SLC9C1: variants seen among roughly 807,000 people sequenced by gnomAD.
The protein encoded by SLC9C1 is sodium/hydrogen exchanger 10.
A neutral mutation model predicts 140.9 loss-of-function variants in SLC9C1; 97 were observed. That is an observed-to-expected ratio of 0.69 (90% CI 0.58 to 0.82). The LOEUF (loss-of-function observed/expected upper bound fraction) is 0.82. Among genes scored for constraint, SLC9C1 ranks in the 40% least tolerant of loss-of-function variants. The pLI is 0.00. For synonymous variants in SLC9C1, 440 were observed against 442.6 expected, an observed-to-expected ratio of 0.99 and a Z score of 0.07; for missense variants, 1,340 against 1,389.3, an observed-to-expected ratio of 0.96 and a Z score of 0.56.
chr3:112,179,440 G>C, intron 23 of SLC9C1, 91 bp downstream of exon 23: 1 of 1,364,476 alleles, frequency 7.3e-7, no homozygotes, highest in Non-Finnish European at 9.9e-7. Context: ...TTGTCAACTA[G>C]ACTGTAAACT....
intron 20 of SLC9C1, among the ~76,000 whole-genome samples, chr3:112,192,935 T>C (rs2077693981): frequency 6.6e-6 from 1 of 152,230 alleles, no homozygotes. Context: ...TTTCTATGCA[T>C]CTGGTGGAAC....
intron 26 of SLC9C1, among the ~76,000 whole-genome samples, chr3:112,155,977 T>C (rs965516487): frequency 6.6e-6 from 1 of 152,120 alleles, no homozygotes; most frequent in Non-Finnish European, 1.5e-5. Flanking sequence ...GGGATAACCA[T>C]CACCTCAAAC....
chr3:112,293,815 C>A (rs2080759737), intron 1 of SLC9C1, among the ~76,000 whole-genome samples: 1 of 152,186 alleles, frequency 6.6e-6, no homozygotes, highest in Non-Finnish European at 1.5e-5. Context: ...AAAGGGAACA[C>A]ATGCCACTGG....
chr3:112,151,818 T>C lies in SLC9C1; in HGVS notation c.3524+39A>G, dbSNP rs371646327. ...TTCAGTCTGTATCTCCAGGGACAGA[T>C]GTGCTCCTGATCCTGTTGAGGAAAC... On this transcript the variant is annotated intron_variant, in intron 28 of 28. Transcript: ENST00000305815. 15 of 1,534,292 alleles carry C rather than the reference T, an allele frequency of 9.8e-6. No individual in the cohort carries two copies. In the African/African-American group the frequency reaches 2.1e-4, roughly 21 times the overall value.
intron 11 of SLC9C1, 23 bp downstream of exon 11, chr3:112,243,972 G>T: frequency 1.4e-6 from 2 of 1,470,094 alleles, no homozygotes; most frequent in South Asian, 1.3e-5. Flanking sequence ...CTCTCCACAG[G>T]AATAGTAACT....
intron 17 of SLC9C1, 96 bp downstream of exon 17, chr3:112,204,122 A>T: frequency 8.0e-7 from 1 of 1,253,344 alleles, no homozygotes; most frequent in Non-Finnish European, 1.0e-6. Flanking sequence ...AACCCAACAG[A>T]ATATGTTAAC....
intron 15 of SLC9C1, among the ~76,000 whole-genome samples, chr3:112,216,170 G>T (rs904128183): frequency 2.6e-5 from 4 of 151,998 alleles, no homozygotes; most frequent in Non-Finnish European, 5.9e-5. Flanking sequence ...AAGCTGAAAT[G>T]GGATCCCTTC....
At chr3:112,218,515 A>G (rs2078451275) in intron 14 of SLC9C1, among the ~76,000 whole-genome samples, 1 of 152,234 alleles carries the variant, frequency 6.6e-6, no homozygotes, top group South Asian at 2.1e-4. Flanking sequence ...CTGATATTCA[A>G]TATAATATGC....
chr3:112,211,411 C>T (rs150585120), intron 15 of SLC9C1, among the ~76,000 whole-genome samples: 1,750 of 152,236 alleles, frequency 0.011, 41 homozygotes, highest in African/African-American at 0.038. Flanking sequence ...GGCAAGGCAT[C>T]GCCTCATCTG....
chr3:112,150,290 A>G (rs1285096815), intron 28 of SLC9C1, among the ~76,000 whole-genome samples: 1 of 152,208 alleles, frequency 6.6e-6, no homozygotes, highest in Non-Finnish European at 1.5e-5. Context: ...GAAAATGTCT[A>G]CAGCTTTCTC....
chr3:112,282,219 G>A (rs535811283), intron 2 of SLC9C1, among the ~76,000 whole-genome samples: 19 of 152,190 alleles, frequency 1.2e-4, no homozygotes, highest in Non-Finnish European at 2.4e-4. Flanking sequence ...ACTTGTAACA[G>A]GAGATGAAAC....
At chr3:112,220,482 A>T (rs1211655121) in intron 14 of SLC9C1, among the ~76,000 whole-genome samples, 1 of 152,112 alleles carries the variant, frequency 6.6e-6, no homozygotes, top group African/African-American at 2.4e-5. Context: ...TTAAGCAGGG[A>T]ATTTTGGTGT....
Position 112,144,756 on chromosome 3 carries a change from G to T in SLC9C1, c.3525-3475C>A, listed in dbSNP as rs150337882. ...GACTTGGCTCTCAGCTTGAACATTG[G>T]TGTATGGAAATGCTACTGATTTTTG... is the stretch of plus-strand genomic sequence containing the variant. On this transcript the variant is annotated intron_variant, in intron 28 of 28. Transcript: ENST00000305815. Among the ~76,000 whole-genome samples, 361 of 152,182 alleles carry T rather than the reference G, an allele frequency of 2.4e-3. 11 individuals carry two copies. In the South Asian group the frequency reaches 0.033, roughly 14 times the overall value.
At chr3:112,171,757 A>G (rs1258318969) in intron 23 of SLC9C1, among the ~76,000 whole-genome samples, 1 of 152,148 alleles carries the variant, frequency 6.6e-6, no homozygotes, top group Non-Finnish European at 1.5e-5. Flanking sequence ...TTTCATGTTA[A>G]AGTATATGAT....
intron 27 of SLC9C1, among the ~76,000 whole-genome samples, chr3:112,154,554 T>G (rs748580153): frequency 6.6e-6 from 1 of 152,220 alleles, no homozygotes; most frequent in Non-Finnish European, 1.5e-5. Flanking sequence ...AGAGCATTTA[T>G]TATTGAGCTC....
At chr3:112,256,328 C>T (rs1235835911) in intron 10 of SLC9C1, among the ~76,000 whole-genome samples, 1 of 152,020 alleles carries the variant, frequency 6.6e-6, no homozygotes, top group Non-Finnish European at 1.5e-5. Context: ...AAATCCTCAA[C>T]AAAATACTAG....
intron 15 of SLC9C1, among the ~76,000 whole-genome samples, chr3:112,212,903 G>T (rs1425447677): frequency 1.3e-5 from 2 of 152,148 alleles, no homozygotes; most frequent in African/African-American, 2.4e-5. Flanking sequence ...ACACATAATT[G>T]TCAGATCCAC....
intron 20 of SLC9C1, chr3:112,185,449 G>A: frequency 6.4e-7 from 1 of 1,570,226 alleles, no homozygotes; most frequent in Admixed American, 1.7e-5. Flanking sequence ...GCCCCTCTAT[G>A]AAACAGTTTT....
Position 112,278,796 on chromosome 3 carries a change from G to A in SLC9C1, c.251C>T (p.Thr84Ile), listed in dbSNP as rs1314575810. Residue 84 changes from threonine (T) to isoleucine (I), a missense_variant, in exon 4 of 29, where the codon ACA (threonine) becomes ATA (isoleucine). Thr to Ile is a moderately conservative substitution (Grantham distance 89, BLOSUM62 -1). Transcript: ENST00000305815. Reference sequence around the variant, plus strand: ...TGCAGTAGTAAAGAAAACTACTGGTGTAAATATACGAAAAAATAAGTCTGG... The same window carrying A: ...TGCAGTAGTAAAGAAAACTACTGGTATAAATATACGAAAAAATAAGTCTGG... ...MSPDLFFRIF[T>I]PVVFFTTAFD... 3 of 1,611,186 alleles carry A rather than the reference G, an allele frequency of 1.9e-6. No individual in the cohort carries two copies. In the Admixed American group the frequency reaches 5.0e-5, roughly 27 times the overall value.
Sources: gnomAD v4.1 joint callset for allele counts (sites outside exome capture counted in the v4.1 genomes callset) on GRCh38, gnomAD v4.1.1 for gene constraint, MANE v1.5 for transcripts, NCBI Gene and HGNC (gene_info 2026-07-23, HGNC 2026-07-21) for gene names.